QTMAN: variants seen among roughly 807,000 people sequenced by gnomAD.
The protein encoded by QTMAN is queuosine-tRNA mannosyltransferase.
chr2:144,164,479 T>C, the QTMAN span, among the ~76,000 whole-genome samples: 1 of 152,186 alleles, frequency 6.6e-6, no homozygotes, highest in East Asian at 1.9e-4. Flanking sequence ...TATCTGAGAA[T>C]TGTTTTATTT....
the QTMAN span, among the ~76,000 whole-genome samples, chr2:143,989,758 A>AT: frequency 2.0e-5 from 3 of 152,162 alleles, no homozygotes; most frequent in East Asian, 5.8e-4. Context: ...AGATGTGGCT[A>AT]TACTGCAGAG....
At chr2:144,215,382 C>T in the QTMAN span, among the ~76,000 whole-genome samples, 1 of 151,784 alleles carries the variant, frequency 6.6e-6, no homozygotes, top group African/African-American at 2.4e-5. Flanking sequence ...TAAAACTCCA[C>T]AAGCATCAAA....
At chr2:144,182,862 A>T in the QTMAN span, among the ~76,000 whole-genome samples, 380 of 53,636 alleles carry the variant, frequency 7.1e-3, 6 homozygotes, top group Non-Finnish European at 8.8e-3. Flanking sequence ...TTTATATATA[A>T]TATATATATA....
the QTMAN span, among the ~76,000 whole-genome samples, chr2:143,989,409 C>T: frequency 1.4e-4 from 22 of 152,220 alleles, no homozygotes; most frequent in East Asian, 7.7e-4. Context: ...AGCAGGTTTA[C>T]GTAAGACAGA....
the QTMAN span, among the ~76,000 whole-genome samples, chr2:144,259,347 C>G: frequency 6.6e-6 from 1 of 152,032 alleles, no homozygotes; most frequent in Non-Finnish European, 1.5e-5. Flanking sequence ...TTGGTAGAGA[C>G]GGGGTTTCAT....
the QTMAN span, among the ~76,000 whole-genome samples, chr2:144,225,158 G>A: frequency 6.6e-6 from 1 of 152,204 alleles, no homozygotes; most frequent in Non-Finnish European, 1.5e-5. Flanking sequence ...GGTATAGGTA[G>A]AAGGAAGACT....
chr2:143,964,298 T>TA, the QTMAN span: 5 of 152,042 alleles, frequency 3.3e-5, no homozygotes, highest in African/African-American at 7.2e-5. Flanking sequence ...TGAATAATGA[T>TA]AAAAAAATTA....
the QTMAN span, among the ~76,000 whole-genome samples, chr2:144,094,596 C>G: frequency 6.6e-6 from 1 of 152,096 alleles, no homozygotes; most frequent in Non-Finnish European, 1.5e-5. Flanking sequence ...ATATAACCAT[C>G]AGATCTCATG....
chr2:144,254,897 T>C, the QTMAN span, among the ~76,000 whole-genome samples: 5 of 152,252 alleles, frequency 3.3e-5, no homozygotes, highest in African/African-American at 9.6e-5. Context: ...GACTGCTCTA[T>C]TGCATTTCAG....
the QTMAN span, among the ~76,000 whole-genome samples, chr2:144,106,981 C>G: frequency 6.6e-6 from 1 of 152,192 alleles, no homozygotes; most frequent in South Asian, 2.1e-4. Context: ...TACATGGAAA[C>G]TGAACAACCT....
the QTMAN span, among the ~76,000 whole-genome samples, chr2:143,949,049 A>G: frequency 1.3e-5 from 2 of 152,110 alleles, no homozygotes; most frequent in African/African-American, 4.8e-5. Flanking sequence ...GTTTTTTAAA[A>G]TTATTAAGAA....
the QTMAN span, among the ~76,000 whole-genome samples, chr2:144,291,373 T>C: frequency 5.3e-5 from 8 of 152,204 alleles, no homozygotes; most frequent in Non-Finnish European, 7.3e-5. Context: ...TTTGTACAAA[T>C]GGACAACAGT....
At chr2:144,254,004 C>T in the QTMAN span, among the ~76,000 whole-genome samples, 2 of 152,204 alleles carry the variant, frequency 1.3e-5, no homozygotes, top group African/African-American at 4.8e-5. Flanking sequence ...GCCTGTGTCC[C>T]AGCTGCTCCA....
chr2:144,201,227 CTT>C, the QTMAN span, among the ~76,000 whole-genome samples: 1 of 152,078 alleles, frequency 6.6e-6, no homozygotes, highest in Admixed American at 6.6e-5. Context: ...AATGACGAAA[CTT>C]TAGCTGACTT....
the QTMAN span, among the ~76,000 whole-genome samples, chr2:143,973,562 G>A: frequency 9.2e-5 from 14 of 151,898 alleles, no homozygotes; most frequent in Admixed American, 2.0e-4. Flanking sequence ...AGGCCGAGAC[G>A]GGCGGATCAC....
the QTMAN span, among the ~76,000 whole-genome samples, chr2:143,987,064 T>G: frequency 6.6e-6 from 1 of 152,222 alleles, no homozygotes; most frequent in Non-Finnish European, 1.5e-5. Context: ...ATTTCACATT[T>G]GCTGAAGGCT....
At chr2:143,986,894 C>T in the QTMAN span, among the ~76,000 whole-genome samples, 1 of 151,990 alleles carries the variant, frequency 6.6e-6, no homozygotes, top group East Asian at 1.9e-4. Context: ...GAAAATTTTG[C>T]AAAGCGATGA....
the QTMAN span, among the ~76,000 whole-genome samples, chr2:144,139,567 G>A: frequency 2.6e-5 from 4 of 151,996 alleles, no homozygotes; most frequent in Non-Finnish European, 5.9e-5. Context: ...TGACTACGGC[G>A]TCTAAGAGCT....
the QTMAN span, among the ~76,000 whole-genome samples, chr2:144,159,912 C>A: frequency 2.0e-5 from 3 of 151,818 alleles, no homozygotes; most frequent in East Asian, 5.8e-4. Flanking sequence ...GTACACAGTG[C>A]GGGGATGCTG....
Sources: gnomAD v4.1 joint callset for allele counts (sites outside exome capture counted in the v4.1 genomes callset) on GRCh38, gnomAD v4.1.1 for gene constraint, MANE v1.5 for transcripts, NCBI Gene and HGNC (gene_info 2026-07-23, HGNC 2026-07-21) for gene names.